The following LAT2 variants were observed in gnomAD, a reference collection of about 807,000 sequenced individuals.
LAT2 encodes linker for activation of T-cells family member 2.
Under a neutral mutation model 43.4 loss-of-function variants are expected in LAT2, and 23 were observed. The ratio of observed to expected loss-of-function variants is 0.53; its 90% confidence interval spans 0.38 to 0.75. The LOEUF is 0.75. Among genes scored for constraint, LAT2 ranks in the 30% least tolerant of loss-of-function variants. The probability of loss-of-function intolerance (pLI) is 0.00; values close to 1 mark genes in which losing one functional copy is unlikely to be tolerated. For synonymous variants in LAT2, 128 were observed against 123.2 expected (o/e 1.04, Z -0.26); for missense variants, 284 against 310.2 (o/e 0.92, Z 0.64).
At chr7:74,225,996 GGA>G (rs1398806569) in intron 13 of LAT2, 1 of 152,258 alleles carries the variant, frequency 6.6e-6, no homozygotes, top group Non-Finnish European at 1.5e-5. Context: ...CATTCTGGTA[GGA>G]GAGAGAAAAC....
chr7:74,213,240 C>T (rs549989485), intron 1 of LAT2, among the ~76,000 whole-genome samples: 1 of 151,204 alleles, frequency 6.6e-6, no homozygotes, highest in Non-Finnish European at 1.5e-5. Flanking sequence ...GCCTCAGCCT[C>T]CTGAGTAGCT....
chr7:74,214,763 A>G (rs1186474705), intron 1 of LAT2, 59 bp from the exon 2 acceptor site: 1 of 70,576 alleles, frequency 1.4e-5, no homozygotes, highest in Non-Finnish European at 2.3e-5. Flanking sequence ...ATATATATAA[A>G]CATATATATA....
In LAT2 at chr7:74,228,932, T is replaced by C. The variant is rs897066352; in HGVS notation, c.*19-12T>C. On this transcript the variant is annotated splice_polypyrimidine_tract_variant and intron_variant, in intron 13 of 13. Coordinates refer to ENST00000460943, the MANE Select transcript of LAT2 (RefSeq NM_032464.3). The stretch of plus-strand genomic sequence containing the variant: ...GCAAACCTCCTTCTACAAACTTTCC[T>C]CTTCATTTAAGGAGCCAAGGCAAAG... 1.3e-5 allele frequency: 2 copies of C among 152,230 alleles called. No homozygotes were observed. Among genetic ancestry groups the C allele is most frequent in the Non-Finnish European group, 2.9e-5 (2 of 68,076 alleles). 9.4% of individuals were successfully genotyped at this position (152,230 alleles called of 1,614,324 possible).
At chr7:74,213,103 G>A (rs1463030044) in intron 1 of LAT2, among the ~76,000 whole-genome samples, 1 of 152,126 alleles carries the variant, frequency 6.6e-6, no homozygotes, top group Non-Finnish European at 1.5e-5. Flanking sequence ...GCAGCCTGGA[G>A]CTCCTCCATT....
chr7:74,211,200 C>T (rs1554713075), intron 1 of LAT2, among the ~76,000 whole-genome samples: 1 of 152,208 alleles, frequency 6.6e-6, no homozygotes, highest in African/African-American at 2.4e-5. Context: ...CCACCTCAGC[C>T]CACCTGCTTT....
At chr7:74,226,690 A>G (rs1221270293) in intron 13 of LAT2, among the ~76,000 whole-genome samples, 2 of 152,106 alleles carry the variant, frequency 1.3e-5, no homozygotes, top group African/African-American at 4.8e-5. Flanking sequence ...ATAAGAAGAC[A>G]TGGCATGTTC....
chr7:74,214,789 ATATTT>A (rs1563968852), intron 1 of LAT2, 28 bp from the exon 2 acceptor site: 4 of 89,456 alleles, frequency 4.5e-5, no homozygotes, highest in Non-Finnish European at 8.1e-5. Context: ...ATATATATAT[ATATTT>A]TTTTTTTTTT....
chr7:74,223,808 G>A, intron 11 of LAT2, 25 bp downstream of exon 11: 1 of 1,609,440 alleles, frequency 6.2e-7, no homozygotes, highest in Non-Finnish European at 8.5e-7. Flanking sequence ...CCAGAGGCAG[G>A]CTGGGGCTGG....
At chr7:74,224,319 T>A in intron 12 of LAT2, 122 bp downstream of exon 12, 1 of 1,079,966 alleles carries the variant, frequency 9.3e-7, no homozygotes. Context: ...CAGTGATGCC[T>A]GGGTGCAGGA....
rs1376421759 is a variant in LAT2 at position 74,214,063 on chromosome 7, A to T, written c.-218-759A>T. Among the ~76,000 whole-genome samples the T allele has an allele frequency of 5.0e-3, 635 of 126,328 alleles. 2 individuals carry two copies. Among genetic ancestry groups the T allele is most frequent in the African/African-American group, 0.02 (577 of 29,284 alleles). The allele number at this position is 126,328 out of a possible 152,430, so 82.9% of individuals were successfully genotyped here. A position where few individuals can be genotyped will look rare whatever the true frequency, so the allele number is the denominator to read the frequency against. On this transcript the variant is annotated intron_variant, in intron 1 of 13. Coordinates refer to ENST00000460943, the MANE Select transcript of LAT2 (RefSeq NM_032464.3). ...ATGTATATATATATATATATGAAAA[A>T]ATATATATAAATATATATATATGAA...
At chr7:74,217,805 T>C (rs76746677) in intron 4 of LAT2, among the ~76,000 whole-genome samples, 9,410 of 152,270 alleles carry the variant, frequency 0.062, 936 homozygotes, top group African/African-American at 0.21. Context: ...TGGAGGTCCA[T>C]GTGCACCCCC....
chr7:74,224,055 G>C lies in LAT2; in HGVS notation c.486G>C (p.Gly162=), dbSNP rs782324347. The change falls in exon 12 of 14, where the codon GGG becomes GGC. Residue 162 remains glycine, a synonymous_variant. Transcript: ENST00000460943. ...AGGGCATAGGTGGCCTCTGCAGAGG[G>C]GACCTCAGCCTGTCACTGGCCCTGA... is the stretch of plus-strand genomic sequence containing the variant. The part of the protein sequence containing the change: ...QQEGIGGLCR[G]DLSLSLALKT... The C allele has an allele frequency of 1.2e-6, 2 of 1,614,130 alleles. No homozygotes were observed. Among genetic ancestry groups the C allele is most frequent in the Non-Finnish European group, 8.5e-7 (1 of 1,180,000 alleles).
chr7:74,221,316 G>C (rs1470815792), intron 9 of LAT2, among the ~76,000 whole-genome samples: 1 of 148,250 alleles, frequency 6.7e-6, no homozygotes, highest in Non-Finnish European at 1.5e-5. Context: ...TCGGGAGGCT[G>C]ATGCAGGAGA....
Position 74,220,872 on chromosome 7 carries a change from A to G in LAT2, c.332+138A>G. On this transcript the variant is annotated intron_variant, in intron 9 of 13. Transcript: ENST00000460943. This position sits in a 1 kb window ranked among gnomAD's most constrained non-coding sequence, Gnocchi z 4.5. ...GTCCAGGAACCACCTCTTGCACTAGAACGAGGCATCCAGGTTCCCCTCCTT... is the reference window on the plus strand; with the variant it reads ...GTCCAGGAACCACCTCTTGCACTAGGACGAGGCATCCAGGTTCCCCTCCTT... 1 of 701,538 alleles carries G rather than the reference A, an allele frequency of 1.4e-6. No individual in the cohort carries two copies. The allele number at this position is 701,538 out of a possible 1,614,324, so 43.5% of individuals were successfully genotyped here. A position where few individuals can be genotyped will look rare whatever the true frequency, so the allele number is the denominator to read the frequency against.
At chr7:74,224,791 C>A (rs1802425528) in intron 13 of LAT2, 31 bp downstream of exon 13, 1 of 1,456,976 alleles carries the variant, frequency 6.9e-7, no homozygotes, top group Non-Finnish European at 9.2e-7. Flanking sequence ...CTGCCGTGGG[C>A]CAAGGATTGG....
chr7:74,214,087 A>G (rs1240934497), intron 1 of LAT2, among the ~76,000 whole-genome samples: 2 of 124,844 alleles, frequency 1.6e-5, no homozygotes, highest in Non-Finnish European at 3.1e-5. Flanking sequence ...TATATATATG[A>G]AAAAATATAT....
rs782018535 is a variant in LAT2, at chr7:74,220,269, G to A, written c.265+15G>A. ...CAGCCTGGAGGGTGAGTGGCACAGG[G>A]CAGGGACAGGGACAGGCCTAGCCAA... On this transcript the variant is annotated intron_variant, in intron 7 of 13. Transcript: ENST00000460943. This position sits in a 1 kb window ranked among gnomAD's most constrained non-coding sequence, Gnocchi z 4.5. The A allele has an allele frequency of 3.1e-6, 5 of 1,610,114 alleles. No homozygotes were observed. The African/African-American group carries it at 6.7e-5, about 22-fold the overall frequency.
chr7:74,218,575 A>G (rs1554714552), intron 4 of LAT2, among the ~76,000 whole-genome samples: 1 of 152,218 alleles, frequency 6.6e-6, no homozygotes, highest in Non-Finnish European at 1.5e-5. Flanking sequence ...CCCAGTTGCC[A>G]GTGCCCCCGT....
At chr7:74,224,361 G>A (rs910455690) in intron 12 of LAT2, among the ~76,000 whole-genome samples, 164 bp downstream of exon 12, 2 of 152,172 alleles carry the variant, frequency 1.3e-5, no homozygotes, top group African/African-American at 2.4e-5. Flanking sequence ...CACACAGGAC[G>A]GCCCTTGGCA....
Sources: allele counts gnomAD v4.1 joint callset (sites outside exome capture counted in the v4.1 genomes callset), GRCh38; gene constraint gnomAD v4.1.1; non-coding constraint Gnocchi (gnomAD v3.1); transcripts MANE v1.5; gene names NCBI Gene and HGNC (gene_info 2026-07-23, HGNC 2026-07-21).